Variants in NF1 observed in about 807,000 individuals in gnomAD.
The protein encoded by NF1 is neurofibromin 1.
A neutral mutation model predicts 325.7 loss-of-function variants in NF1; 122 were observed. The observed-to-expected ratio is 0.37, with a 90% CI of 0.32 to 0.44. NF1 has a LOEUF of 0.44. NF1 is among the 20% of genes least tolerant of loss of function. NF1 has a pLI of 1.00. For missense variants in NF1, 2,140 were observed against 3,415.4 expected (o/e 0.63, Z 9.31); for synonymous variants, 1,091 against 1,186.0 (o/e 0.92, Z 1.65).
rs2070703235 is a variant in NF1 at position 31,374,436 on chromosome 17, A to C, written c.*281A>C. On this transcript the variant is annotated 3_prime_UTR_variant, in exon 58 of 58. Coordinates refer to ENST00000358273, the MANE Select transcript of NF1 (RefSeq NM_001042492.3). ...GAAAGTGGGAGGTCAGGAAACTTTT[A>C]ACTGAGAAATCTCAATTGTAAGAGA... 2 of 491,692 alleles carry C rather than the reference A, an allele frequency of 4.1e-6. No homozygotes were observed. Among genetic ancestry groups the C allele is most frequent in the Admixed American group, 3.3e-5 (1 of 30,200 alleles). 30.5% of individuals were successfully genotyped at this position (491,692 alleles called of 1,614,324 possible). A position where few individuals can be genotyped will look rare whatever the true frequency, so the allele number is the denominator to read the frequency against.
intron 11 of NF1, among the ~76,000 whole-genome samples, chr17:31,202,050 G>A (rs1169241578): frequency 2.0e-5 from 3 of 152,096 alleles, no homozygotes; most frequent in Non-Finnish European, 4.4e-5. Flanking sequence ...AGATACAAAA[G>A]CATATCAGAC....
chr17:31,237,686 T>G (rs1168507162), intron 29 of NF1, among the ~76,000 whole-genome samples: 1 of 143,120 alleles, frequency 7.0e-6, no homozygotes, highest in Non-Finnish European at 1.5e-5. Context: ...AATTTTCAAG[T>G]GTACATAATA....
At chr17:31,109,831 C>G (rs1913250046) in intron 1 of NF1, among the ~76,000 whole-genome samples, 2 of 152,202 alleles carry the variant, frequency 1.3e-5, no homozygotes, top group South Asian at 4.1e-4. Context: ...TTTTAAAAGC[C>G]TTTACATATT....
rs750103174 is a variant in NF1, at chr17:31,206,192, C to CA, written c.1261-47dup. 9.3e-6 allele frequency: 15 copies of CA among 1,607,556 alleles called. No homozygotes were observed. The African/African-American group carries it at 2.0e-4, about 22-fold the overall frequency. On this transcript the variant is annotated intron_variant, in intron 11 of 57. Transcript: ENST00000358273. ...ACAGTGATAAACAGAGCATACAACT[C>CA]ACGTAATTTTGTACTTTTTCTTCCT... is the stretch of plus-strand genomic sequence containing the variant.
chr17:31,228,576 C>T (rs1268100381), intron 20 of NF1, among the ~76,000 whole-genome samples: 6 of 152,114 alleles, frequency 3.9e-5, no homozygotes, highest in Admixed American at 1.3e-4. Context: ...GAAAAAAACC[C>T]CGTACCCTTT....
chr17:31,206,129 C>A, intron 11 of NF1, 111 bp from the exon 12 acceptor site: 1 of 1,235,980 alleles, frequency 8.1e-7, no homozygotes, highest in Non-Finnish European at 1.2e-6. Context: ...TTTGCATGGT[C>A]TTAGAAAGTT....
At chr17:31,230,134 C>G in intron 22 of NF1, 126 bp from the exon 23 acceptor site, 1 of 1,417,804 alleles carries the variant, frequency 7.1e-7, no homozygotes, top group Non-Finnish European at 9.8e-7. Flanking sequence ...ACGTTCTTTT[C>G]TAAATAAATA....
chr17:31,263,047 G>A (rs568595239), intron 35 of NF1, among the ~76,000 whole-genome samples: 3 of 147,784 alleles, frequency 2.0e-5, no homozygotes, highest in African/African-American at 7.7e-5. Context: ...AGGTAGGTAG[G>A]TAGGTAGGTA....
intron 30 of NF1, chr17:31,251,419 A>G (rs576835665): frequency 2.1e-4 from 42 of 198,648 alleles, no homozygotes; most frequent in African/African-American, 9.2e-4. Context: ...TACTTTATAT[A>G]CCTTCCTTCC....
intron 37 of NF1, 143 bp downstream of exon 37, chr17:31,326,395 C>T: frequency 1.3e-6 from 1 of 799,710 alleles, no homozygotes; most frequent in East Asian, 2.7e-5. Context: ...CGCCTGTAAT[C>T]CAAGCACTTT....
chr17:31,362,182 C>G (rs764205704), intron 57 of NF1: 5 of 362,622 alleles, frequency 1.4e-5, no homozygotes, highest in African/African-American at 8.8e-5. Flanking sequence ...CTTACACACA[C>G]TAGAATTGGA....
intron 1 of NF1, among the ~76,000 whole-genome samples, chr17:31,151,025 G>T (rs759241930): frequency 8.5e-6 from 1 of 117,262 alleles, no homozygotes; most frequent in South Asian, 3.0e-4. Context: ...ACAGAGCAAG[G>T]CTCTGTCTCA....
chr17:31,206,124 A>C, intron 11 of NF1, 116 bp from the exon 12 acceptor site: 2 of 1,108,490 alleles, frequency 1.8e-6, no homozygotes, highest in Non-Finnish European at 2.7e-6. Context: ...GTGTGTTTGC[A>C]TGGTCTTAGA....
intron 48 of NF1, 38 bp from the exon 49 acceptor site, chr17:31,349,079 ATTC>A: frequency 6.5e-7 from 1 of 1,549,162 alleles, no homozygotes; most frequent in Non-Finnish European, 8.7e-7. Flanking sequence ...CAAAAAATTA[ATTC>A]TTACTTGTTT....
At chr17:31,102,257 A>G (rs1341464428) in intron 1 of NF1, among the ~76,000 whole-genome samples, 1 of 152,200 alleles carries the variant, frequency 6.6e-6, no homozygotes, top group Non-Finnish European at 1.5e-5. Context: ...CTGTTAGGAT[A>G]TTTTGCAATG....
At chr17:31,351,791 C>T (rs1289895422) in intron 50 of NF1, among the ~76,000 whole-genome samples, 1 of 152,114 alleles carries the variant, frequency 6.6e-6, no homozygotes, top group Non-Finnish European at 1.5e-5. Context: ...GCACGCAGCC[C>T]AGGATGGCTT....
At chr17:31,121,535 G>GGACT (rs1263132827) in intron 1 of NF1, among the ~76,000 whole-genome samples, 2 of 151,458 alleles carry the variant, frequency 1.3e-5, no homozygotes, top group East Asian at 3.9e-4. Flanking sequence ...CGAGTAGCTG[G>GGACT]GACTATAGGC....
chr17:31,197,354 T>G (rs1035799655), intron 8 of NF1, among the ~76,000 whole-genome samples: 3 of 151,426 alleles, frequency 2.0e-5, no homozygotes, highest in African/African-American at 7.3e-5. Flanking sequence ...CTTTTTTTTT[T>G]TTTTTTTTTG....
intron 51 of NF1, 23 bp from the exon 52 acceptor site, chr17:31,356,437 A>G (rs548361252): frequency 6.2e-7 from 1 of 1,611,092 alleles, no homozygotes; most frequent in African/African-American, 1.3e-5. Flanking sequence ...ATGAACTTGC[A>G]TATTCTTAAC....
Sources: allele counts gnomAD v4.1 joint callset (sites outside exome capture counted in the v4.1 genomes callset), GRCh38; gene constraint gnomAD v4.1.1; transcripts MANE v1.5; gene names NCBI Gene and HGNC (gene_info 2026-07-23, HGNC 2026-07-21).